The following NRG1 variants were observed in gnomAD, a reference collection of about 807,000 sequenced individuals.
NRG1 encodes the protein neuregulin 1.
A neutral mutation model predicts 63.8 loss-of-function variants in NRG1; 18 were observed. The observed-to-expected ratio is 0.28, with a 90% CI of 0.19 to 0.42. The LOEUF is 0.42. NRG1 is among the 10% of genes least tolerant of loss of function. The probability of loss-of-function intolerance (pLI) is 1.00; values close to 1 mark genes in which losing one functional copy is unlikely to be tolerated. For missense variants in NRG1, 762 were observed against 814.7 expected (o/e 0.94, Z 0.79); for synonymous variants, 302 against 301.3 (o/e 1.00, Z -0.02).
At chr8:32,140,212 T>C (rs1405043111) in intron 1 of NRG1, among the ~76,000 whole-genome samples, 4 of 152,192 alleles carry the variant, frequency 2.6e-5, no homozygotes, top group Admixed American at 2.6e-4. Flanking sequence ...TCAGCCATAC[T>C]TGCACATCTC....
intron 1 of NRG1, among the ~76,000 whole-genome samples, chr8:32,161,954 C>A (rs1394881507): frequency 6.6e-6 from 1 of 152,188 alleles, no homozygotes; most frequent in African/African-American, 2.4e-5. Flanking sequence ...CTCACACAGT[C>A]CCCACCTGGC....
intron 1 of NRG1, among the ~76,000 whole-genome samples, chr8:31,863,291 C>T (rs1828643610): frequency 6.6e-6 from 1 of 152,154 alleles, no homozygotes. Flanking sequence ...TTGGCAAGTA[C>T]CTTTTCATGT....
intron 7 of NRG1, among the ~76,000 whole-genome samples, chr8:32,751,482 T>C (rs1178144395): frequency 6.6e-6 from 1 of 152,080 alleles, no homozygotes; most frequent in Non-Finnish European, 1.5e-5. Context: ...AAAATTAATA[T>C]GGGGAAAAAA....
chr8:32,012,300 G>C (rs1204232813), intron 1 of NRG1, among the ~76,000 whole-genome samples: 1 of 152,102 alleles, frequency 6.6e-6, no homozygotes, highest in Non-Finnish European at 1.5e-5. Flanking sequence ...AACAGGACAT[G>C]CATGACAGTT....
chr8:32,465,898 GA>G (rs1347762508), intron 1 of NRG1, among the ~76,000 whole-genome samples: 1 of 151,980 alleles, frequency 6.6e-6, no homozygotes, highest in African/African-American at 2.4e-5. Flanking sequence ...ATTTACAATA[GA>G]AAAAAAGTTT....
chr8:31,850,561 C>T (rs1387234111), intron 1 of NRG1, among the ~76,000 whole-genome samples: 1 of 152,150 alleles, frequency 6.6e-6, no homozygotes, highest in Non-Finnish European at 1.5e-5. Context: ...ACAGTTTTTC[C>T]TCCTGCTGAT....
At chr8:32,371,629 G>A (rs570171134) in intron 1 of NRG1, among the ~76,000 whole-genome samples, 1 of 152,318 alleles carries the variant, frequency 6.6e-6, no homozygotes, top group South Asian at 2.1e-4. Context: ...GAGAAACTTT[G>A]AGATTCCTTA....
At chr8:32,059,318 C>T (rs1326114017) in intron 1 of NRG1, among the ~76,000 whole-genome samples, 1 of 151,872 alleles carries the variant, frequency 6.6e-6, no homozygotes, top group Non-Finnish European at 1.5e-5. Flanking sequence ...TCGTCTTTCT[C>T]CCTACTCCAC....
intron 1 of NRG1, among the ~76,000 whole-genome samples, chr8:32,059,432 T>C (rs1326749204): frequency 6.6e-6 from 1 of 151,980 alleles, no homozygotes; most frequent in Non-Finnish European, 1.5e-5. Context: ...TTTTGGTAGC[T>C]TCCTATTTTT....
intron 5 of NRG1, among the ~76,000 whole-genome samples, chr8:32,699,778 G>A (rs1167428681): frequency 6.6e-6 from 1 of 152,064 alleles, no homozygotes; most frequent in East Asian, 1.9e-4. Flanking sequence ...TTCCTATAAT[G>A]TCAATGTGTA....
chr8:32,149,367 T>A (rs1014404730), intron 1 of NRG1, among the ~76,000 whole-genome samples: 3 of 152,190 alleles, frequency 2.0e-5, no homozygotes, highest in African/African-American at 7.2e-5. Flanking sequence ...CACCCTCGGA[T>A]GTCTGGCCTT....
At chr8:32,548,425 G>A in exon 1 of NRG1, 3 of 1,122,274 alleles carry the variant, frequency 2.7e-6, no homozygotes, top group Non-Finnish European at 3.3e-6. Context: ...GGTTGCGAGG[G>A]CGCCGGGCAG....
chr8:31,898,776 A>AC (rs1458361556), intron 1 of NRG1, among the ~76,000 whole-genome samples: 1 of 152,222 alleles, frequency 6.6e-6, no homozygotes, highest in African/African-American at 2.4e-5. Flanking sequence ...AGATGATGGG[A>AC]CAGTGGCTGC....
At chr8:32,494,145 C>T (rs546360618) in intron 1 of NRG1, among the ~76,000 whole-genome samples, 2 of 152,234 alleles carry the variant, frequency 1.3e-5, no homozygotes, top group African/African-American at 2.4e-5. Context: ...CAAAGATGAA[C>T]AGAAGTGTTC....
At chr8:32,587,646 C>T (rs1457626436) in intron 1 of NRG1, among the ~76,000 whole-genome samples, 2 of 152,138 alleles carry the variant, frequency 1.3e-5, no homozygotes, top group Non-Finnish European at 2.9e-5. Flanking sequence ...TCAGCATCTT[C>T]CAGATTCTTC....
chr8:31,639,343 G>C (rs1803506314), exon 1 of NRG1: 2 of 1,532,154 alleles, frequency 1.3e-6, no homozygotes, highest in Non-Finnish European at 1.7e-6. Context: ...GCGCGGGGAC[G>C]GGGACGCCCA....
intron 1 of NRG1, among the ~76,000 whole-genome samples, chr8:32,512,949 C>A (rs1045861926): frequency 5.3e-5 from 8 of 152,014 alleles, no homozygotes; most frequent in Non-Finnish European, 1.0e-4. Context: ...AGATATCAAA[C>A]TGGTTTTAAC....
chr8:31,786,332 C>T lies in NRG1; in HGVS notation c.37+146901C>T, dbSNP rs141297301. Among the ~76,000 whole-genome samples, 212 of 152,300 alleles carry T rather than the reference C, an allele frequency of 1.4e-3. 2 individuals carry two copies. The highest frequency in any genetic ancestry group is 2.1e-3 in the Non-Finnish European group (143 of 68,020). ...AACCAAAGTGTCTTTTCTATTCTCT[C>T]ATTTAACAGTAGTCAACACAGAAGA... On this transcript the variant is annotated intron_variant, in intron 1 of 10. Transcript: ENST00000519301.
intron 1 of NRG1, among the ~76,000 whole-genome samples, chr8:31,996,800 G>A (rs1007622130): frequency 1.3e-5 from 2 of 151,922 alleles, no homozygotes; most frequent in Admixed American, 6.6e-5. Context: ...TCAGCTTAAA[G>A]GGTTGGTTGG....
Sources: gnomAD v4.1 joint callset for allele counts (sites outside exome capture counted in the v4.1 genomes callset) on GRCh38, gnomAD v4.1.1 for gene constraint, MANE v1.5 for transcripts, NCBI Gene and HGNC (gene_info 2026-07-23, HGNC 2026-07-21) for gene names.